MBNL2: variants seen among roughly 807,000 people sequenced by gnomAD.
MBNL2 encodes muscleblind like splicing regulator 2, also known as muscleblind-like protein 2.
MBNL2 carries 17 observed loss-of-function variants against 41.9 expected under a neutral mutation model. That is an observed-to-expected ratio of 0.41 (90% CI 0.28 to 0.61). MBNL2 has a LOEUF of 0.61. MBNL2 is among the 20% of genes least tolerant of loss of function. The pLI is 0.35. For missense variants in MBNL2, 336 were observed against 505.6 expected (o/e 0.66, Z 3.22); for synonymous variants, 195 against 182.9 (o/e 1.07, Z -0.53).
chr13:97,284,219 GT>G (rs1206717301), intron 2 of MBNL2, among the ~76,000 whole-genome samples: 1 of 152,108 alleles, frequency 6.6e-6, no homozygotes, highest in African/African-American at 2.4e-5. Context: ...TTTTGTTGTT[GT>G]TTTTCAGATT....
intron 2 of MBNL2, among the ~76,000 whole-genome samples, chr13:97,330,572 G>A (rs938500219): frequency 6.6e-6 from 1 of 152,186 alleles, no homozygotes; most frequent in African/African-American, 2.4e-5. Context: ...TTTATTTCTT[G>A]GAATAAAATC....
the MBNL2 span, among the ~76,000 whole-genome samples, chr13:97,165,813 C>T: frequency 0.014 from 2,082 of 152,296 alleles, 43 homozygotes; most frequent in African/African-American, 0.047. Flanking sequence ...AAGCATGCCA[C>T]CTTGTCTAGT....
At chr13:97,191,377 G>A in the MBNL2 span, among the ~76,000 whole-genome samples, 1 of 149,720 alleles carries the variant, frequency 6.7e-6, no homozygotes, top group African/African-American at 2.5e-5. Context: ...TGGCCTTGAG[G>A]AGTCCCTGTT....
the MBNL2 span, among the ~76,000 whole-genome samples, chr13:97,145,065 A>G: frequency 6.6e-6 from 1 of 152,208 alleles, no homozygotes; most frequent in African/African-American, 2.4e-5. Flanking sequence ...CATATTTCAT[A>G]TCTAGGTAGA....
At chr13:97,374,180 C>T (rs2064722862) in intron 8 of MBNL2, among the ~76,000 whole-genome samples, 1 of 150,256 alleles carries the variant, frequency 6.7e-6, no homozygotes, top group Non-Finnish European at 1.5e-5. Flanking sequence ...CGGAGTCTCG[C>T]TCTGTCGCCC....
At chr13:97,188,581 G>T in the MBNL2 span, among the ~76,000 whole-genome samples, 1 of 151,638 alleles carries the variant, frequency 6.6e-6, no homozygotes, top group South Asian at 2.1e-4. Flanking sequence ...ACATCTGCAC[G>T]TGTCTGATGC....
intron 1 of MBNL2, among the ~76,000 whole-genome samples, chr13:97,273,395 A>G (rs190224791): frequency 3.3e-5 from 5 of 152,232 alleles, no homozygotes; most frequent in Non-Finnish European, 2.9e-5. Flanking sequence ...ATGAAACCCA[A>G]CCCATATTAA....
chr13:97,184,217 A>G, the MBNL2 span, among the ~76,000 whole-genome samples: 7 of 152,198 alleles, frequency 4.6e-5, no homozygotes, highest in African/African-American at 1.7e-4. Flanking sequence ...GAGAGTATCA[A>G]TTTAGGAAAT....
chr13:97,254,888 T>G (rs1191545700), intron 1 of MBNL2, among the ~76,000 whole-genome samples: 3 of 152,096 alleles, frequency 2.0e-5, no homozygotes, highest in African/African-American at 4.8e-5. Context: ...TTCAAGCAAA[T>G]AAATCAGTAT....
intron 8 of MBNL2, among the ~76,000 whole-genome samples, chr13:97,368,806 C>G (rs1240006067): frequency 6.6e-6 from 1 of 151,708 alleles, no homozygotes; most frequent in East Asian, 1.9e-4. Flanking sequence ...ATATCACTTT[C>G]AGGAAGGGTG....
intron 8 of MBNL2, among the ~76,000 whole-genome samples, chr13:97,373,077 C>G (rs1164406559): frequency 6.6e-6 from 1 of 152,144 alleles, no homozygotes; most frequent in Non-Finnish European, 1.5e-5. Flanking sequence ...AAGTGGCCAG[C>G]CTCTATGGAT....
At chr13:97,390,383 A>G (rs1237961978) in intron 8 of MBNL2, among the ~76,000 whole-genome samples, 1 of 152,228 alleles carries the variant, frequency 6.6e-6, no homozygotes, top group Admixed American at 6.5e-5. Context: ...TAGTGTGCAG[A>G]AGTATTAGCT....
intron 3 of MBNL2, among the ~76,000 whole-genome samples, chr13:97,336,131 T>A (rs1261140444): frequency 1.3e-5 from 2 of 152,216 alleles, no homozygotes; most frequent in Admixed American, 1.3e-4. Flanking sequence ...TTAGTTGAAC[T>A]TTTTTTGAAA....
chr13:97,254,959 G>A (rs1419806025), intron 1 of MBNL2, among the ~76,000 whole-genome samples: 3 of 152,208 alleles, frequency 2.0e-5, no homozygotes, highest in Non-Finnish European at 2.9e-5. Flanking sequence ...CAGGCATTTA[G>A]ATGTGGAGAA....
chr13:97,330,015 G>A (rs1465771695), intron 2 of MBNL2, among the ~76,000 whole-genome samples: 1 of 152,128 alleles, frequency 6.6e-6, no homozygotes, highest in Non-Finnish European at 1.5e-5. Context: ...CTTGTAACAA[G>A]ACATGTTTTG....
the MBNL2 span, among the ~76,000 whole-genome samples, chr13:97,171,920 CT>C: frequency 1.3e-5 from 2 of 152,192 alleles, no homozygotes; most frequent in African/African-American, 4.8e-5. Flanking sequence ...CTCATTCTCT[CT>C]TTGCCTGCTG....
intron 2 of MBNL2, among the ~76,000 whole-genome samples, chr13:97,310,782 C>CTTTT (rs11345201): frequency 3.6e-4 from 49 of 136,014 alleles, no homozygotes; most frequent in African/African-American, 1.2e-3. Context: ...AATTCAGCAT[C>CTTTT]TTTTTTTTTT....
intron 1 of MBNL2, among the ~76,000 whole-genome samples, chr13:97,227,973 C>A (rs972427549): frequency 6.6e-6 from 1 of 152,160 alleles, no homozygotes; most frequent in African/African-American, 2.4e-5. Context: ...GTCTGCAGAT[C>A]TGGGAAAAAC....
intron 6 of MBNL2, 147 bp downstream of exon 6, chr13:97,356,996 C>T (rs2063046693): frequency 3.3e-6 from 1 of 303,830 alleles, no homozygotes; most frequent in Non-Finnish European, 6.2e-6. Flanking sequence ...ATCTCATTCT[C>T]ATATGTAATC....
Sources: gnomAD v4.1 joint callset for allele counts (sites outside exome capture counted in the v4.1 genomes callset) on GRCh38, gnomAD v4.1.1 for gene constraint, MANE v1.5 for transcripts, NCBI Gene and HGNC (gene_info 2026-07-23, HGNC 2026-07-21) for gene names.